The following ERBB4 variants were observed in gnomAD, a reference collection of about 807,000 sequenced individuals.
ERBB4 encodes the protein receptor tyrosine-protein kinase erbB-4.
A neutral mutation model predicts 158.0 loss-of-function variants in ERBB4; 42 were observed. That is an observed-to-expected ratio of 0.27 (90% CI 0.21 to 0.34). The LOEUF is 0.34. Among genes scored for constraint, ERBB4 ranks in the 10% least tolerant of loss-of-function variants. ERBB4 has a pLI of 1.00. For missense variants in ERBB4, 1,333 were observed against 1,624.1 expected (o/e 0.82, Z 3.08); for synonymous variants, 583 against 558.7 (o/e 1.04, Z -0.61).
chr2:211,601,933 C>T (rs2068813944), intron 19 of ERBB4, among the ~76,000 whole-genome samples: 1 of 152,214 alleles, frequency 6.6e-6, no homozygotes, highest in Non-Finnish European at 1.5e-5. Flanking sequence ...CATTACCTCT[C>T]AACTATAAAT....
chr2:211,616,663 C>T (rs1478078495), intron 19 of ERBB4, among the ~76,000 whole-genome samples: 2 of 152,024 alleles, frequency 1.3e-5, no homozygotes, highest in Admixed American at 6.6e-5. Context: ...CTAAATTCAC[C>T]GTTGATGTTG....
At chr2:211,687,847 T>C (rs923810776) in intron 12 of ERBB4, among the ~76,000 whole-genome samples, 1 of 152,174 alleles carries the variant, frequency 6.6e-6, no homozygotes, top group African/African-American at 2.4e-5. Flanking sequence ...AGTTGTCTTA[T>C]AATGTCCAGG....
rs1231093209 is a variant in ERBB4, at chr2:212,349,439, T to C, written c.82+189010A>G. Among the ~76,000 whole-genome samples, 5 of 152,212 alleles carry C rather than the reference T, an allele frequency of 3.3e-5. No individual in the cohort carries two copies. In the East Asian group the frequency reaches 9.7e-4, roughly 29 times the overall value. ...TGAACAACAGTTGTTCTAAAATGTA[T>C]ACAATTGTTACCAATTAGGAATACA... On this transcript the variant is annotated intron_variant, in intron 1 of 27. Coordinates refer to ENST00000342788, the MANE Select transcript of ERBB4 (RefSeq NM_005235.3).
At chr2:211,984,785 C>T (rs563157462) in intron 2 of ERBB4, among the ~76,000 whole-genome samples, 27 of 151,922 alleles carry the variant, frequency 1.8e-4, no homozygotes, top group Admixed American at 4.6e-4. Flanking sequence ...TACAATGGCA[C>T]GACCTTGGCT....
At chr2:211,573,426 T>A (rs1237128836) in intron 19 of ERBB4, among the ~76,000 whole-genome samples, 1 of 152,118 alleles carries the variant, frequency 6.6e-6, no homozygotes, top group Non-Finnish European at 1.5e-5. Context: ...ATCCCAGCAC[T>A]TTGGGAGTCT....
chr2:211,939,054 T>C (rs1004672802), intron 3 of ERBB4, among the ~76,000 whole-genome samples: 6 of 152,208 alleles, frequency 3.9e-5, no homozygotes, highest in African/African-American at 1.4e-4. Flanking sequence ...GCACGTTTGC[T>C]TGTATTTTAT....
chr2:211,929,321 T>C (rs1194741033), intron 3 of ERBB4, among the ~76,000 whole-genome samples: 1 of 151,944 alleles, frequency 6.6e-6, no homozygotes, highest in Non-Finnish European at 1.5e-5. Context: ...CATTTGTAAT[T>C]ACTCTTTTAC....
chr2:212,498,589 C>G (rs1690711024), intron 1 of ERBB4, among the ~76,000 whole-genome samples: 1 of 151,930 alleles, frequency 6.6e-6, no homozygotes, highest in African/African-American at 2.4e-5. Flanking sequence ...TACTTTTAGT[C>G]CAAGCAATTA....
At chr2:212,037,375 G>A (rs1320162088) in intron 2 of ERBB4, among the ~76,000 whole-genome samples, 1 of 152,138 alleles carries the variant, frequency 6.6e-6, no homozygotes, top group Non-Finnish European at 1.5e-5. Context: ...GTAACAGGAG[G>A]CTTAGCCTAA....
At chr2:211,792,094 GA>G (rs1406732445) in intron 3 of ERBB4, among the ~76,000 whole-genome samples, 1 of 151,530 alleles carries the variant, frequency 6.6e-6, no homozygotes, top group Admixed American at 6.6e-5. Flanking sequence ...ATTGTGTATG[GA>G]AAAAAAGTAC....
At chr2:211,881,504 C>CT (rs1005010376) in intron 3 of ERBB4, among the ~76,000 whole-genome samples, 34 of 133,420 alleles carry the variant, frequency 2.5e-4, no homozygotes, top group African/African-American at 9.6e-4. Flanking sequence ...TCCATCTTCC[C>CT]TTTTTTTGTT....
chr2:212,125,841 C>T lies in ERBB4; in HGVS notation c.83-938G>A, dbSNP rs2079908715. On this transcript the variant is annotated intron_variant, in intron 1 of 27. Coordinates refer to ENST00000342788, the MANE Select transcript of ERBB4 (RefSeq NM_005235.3). Reference sequence around the variant, plus strand: ...TTATTGATGGGCATTTAGGGTGATTCCATGTCTTTTCTATTGGGAATAGTG... The same window carrying T: ...TTATTGATGGGCATTTAGGGTGATTTCATGTCTTTTCTATTGGGAATAGTG... Among the ~76,000 whole-genome samples, 5 of 152,092 alleles carry T rather than the reference C, an allele frequency of 3.3e-5. No homozygotes were observed. The South Asian group carries it at 1.0e-3, about 32-fold the overall frequency.
At chr2:212,086,450 A>C (rs1231790774) in intron 2 of ERBB4, among the ~76,000 whole-genome samples, 3 of 151,994 alleles carry the variant, frequency 2.0e-5, no homozygotes, top group African/African-American at 7.2e-5. Flanking sequence ...CCTCTAAGAA[A>C]AAAAGAAAAC....
At chr2:212,238,770 G>A (rs559422291) in intron 1 of ERBB4, among the ~76,000 whole-genome samples, 1 of 151,992 alleles carries the variant, frequency 6.6e-6, no homozygotes, top group Non-Finnish European at 1.5e-5. Context: ...AAATGATACA[G>A]CTATCAGCAA....
chr2:211,887,253 T>TACACACACACACACACACAC (rs112197898), intron 3 of ERBB4, among the ~76,000 whole-genome samples: 2 of 145,406 alleles, frequency 1.4e-5, no homozygotes, highest in Non-Finnish European at 3.0e-5. Context: ...AACAGAGGAT[T>TACACACACACACACACACAC]ACACACACAC....
chr2:211,885,613 C>T (rs573171633), intron 3 of ERBB4, among the ~76,000 whole-genome samples: 1 of 152,200 alleles, frequency 6.6e-6, no homozygotes, highest in Non-Finnish European at 1.5e-5. Flanking sequence ...CCACTACCAC[C>T]ACAACCAGCT....
At chr2:212,409,028 T>A (rs2091426431) in intron 1 of ERBB4, among the ~76,000 whole-genome samples, 1 of 151,864 alleles carries the variant, frequency 6.6e-6, no homozygotes, top group Admixed American at 6.6e-5. Context: ...ATACAAATCA[T>A]TTCTTTACTA....
chr2:211,596,218 CA>C (rs537753989), intron 19 of ERBB4, among the ~76,000 whole-genome samples: 1,538 of 139,872 alleles, frequency 0.011, 26 homozygotes, highest in African/African-American at 0.035. Context: ...GACTTCACAG[CA>C]AAAAAAAAAA....
chr2:212,374,071 T>TATATATATCCATATATATCC (rs1214694880), intron 1 of ERBB4, among the ~76,000 whole-genome samples: 1,211 of 96,110 alleles, frequency 0.013, 107 homozygotes, highest in African/African-American at 0.039. Flanking sequence ...TATATATCCA[T>TATATATATCCATATATATCC]ATATATATCC....
Sources: gnomAD v4.1 joint callset for allele counts (sites outside exome capture counted in the v4.1 genomes callset) on GRCh38, gnomAD v4.1.1 for gene constraint, MANE v1.5 for transcripts, NCBI Gene and HGNC (gene_info 2026-07-23, HGNC 2026-07-21) for gene names.